Variants in FHIT observed in about 807,000 individuals in gnomAD.
FHIT encodes the protein fragile histidine triad diadenosine triphosphatase.
In FHIT, 19 loss-of-function variants were observed where a neutral mutation model predicts 17.9. That is an observed-to-expected ratio of 1.06 (90% CI 0.74 to 1.56). The LOEUF (loss-of-function observed/expected upper bound fraction) is 1.56. Among genes scored for constraint, FHIT ranks in the 40% most tolerant of loss-of-function variants. The pLI is 0.00. For missense variants in FHIT, 248 were observed against 189.2 expected (o/e 1.31, Z -1.82); for synonymous variants, 81 against 69.7 (o/e 1.16, Z -0.81).
chr3:59,807,861 G>C (rs1700263529), intron 8 of FHIT, among the ~76,000 whole-genome samples: 1 of 152,168 alleles, frequency 6.6e-6, no homozygotes, highest in African/African-American at 2.4e-5. Context: ...TGGTTTCATG[G>C]AGCAGGTAGA....
intron 5 of FHIT, among the ~76,000 whole-genome samples, chr3:60,357,797 A>C (rs1699738499): frequency 7.1e-6 from 1 of 140,532 alleles, no homozygotes; most frequent in East Asian, 2.1e-4. Flanking sequence ...GGTAATTTTC[A>C]CAACGCTTAA....
chr3:59,999,520 A>T (rs1226877699), intron 7 of FHIT, among the ~76,000 whole-genome samples: 1 of 152,090 alleles, frequency 6.6e-6, no homozygotes, highest in Non-Finnish European at 1.5e-5. Flanking sequence ...GCATATTAAG[A>T]AACAACAATA....
chr3:60,600,836 T>C (rs962351009), intron 4 of FHIT, among the ~76,000 whole-genome samples: 1 of 152,190 alleles, frequency 6.6e-6, no homozygotes, highest in African/African-American at 2.4e-5. Context: ...TAGATGTTCT[T>C]TTTATGAGAA....
At chr3:60,384,736 G>A (rs925234197) in intron 5 of FHIT, among the ~76,000 whole-genome samples, 1 of 150,598 alleles carries the variant, frequency 6.6e-6, no homozygotes, top group African/African-American at 2.4e-5. Context: ...CAAAAACCCA[G>A]CACTTTGAAT....
chr3:60,114,755 G>A (rs6446112), intron 5 of FHIT, among the ~76,000 whole-genome samples: 45,620 of 151,482 alleles, frequency 0.3, 7,235 homozygotes, highest in Non-Finnish European at 0.35. Context: ...CAGCCTCATG[G>A]GAAATCTTGC....
chr3:61,130,229 T>C lies in FHIT; in HGVS notation c.-164+70388A>G, dbSNP rs77852835. On this transcript the variant is annotated intron_variant, in intron 2 of 9. Coordinates refer to ENST00000492590, the MANE Select transcript of FHIT (RefSeq NM_002012.4). ...CCAAGAAAAAGAAACGTCTGCTACC[T>C]AAGAATGTCCAGGGAAAACTTCCTT... Among the ~76,000 whole-genome samples the C allele has an allele frequency of 3.5e-3, 539 of 152,338 alleles. 5 individuals carry two copies. The highest frequency in any genetic ancestry group is 0.013 in the African/African-American group (522 of 41,578).
intron 8 of FHIT, among the ~76,000 whole-genome samples, chr3:59,834,141 A>G (rs1463837009): frequency 6.6e-6 from 1 of 152,192 alleles, no homozygotes; most frequent in African/African-American, 2.4e-5. Context: ...GCACAATGCA[A>G]TGGTCATGCA....
intron 5 of FHIT, among the ~76,000 whole-genome samples, chr3:60,208,023 T>C (rs1336191733): frequency 6.6e-6 from 1 of 152,202 alleles, no homozygotes; most frequent in African/African-American, 2.4e-5. Context: ...GCAACCAACC[T>C]GATTCACTTA....
chr3:60,622,736 G>A (rs2039169208), intron 4 of FHIT, among the ~76,000 whole-genome samples: 2 of 152,296 alleles, frequency 1.3e-5, no homozygotes, highest in South Asian at 4.1e-4. Context: ...GGCATTTCTA[G>A]AGAAAGCATG....
At chr3:60,489,757 C>A (rs1011598136) in intron 5 of FHIT, among the ~76,000 whole-genome samples, 5 of 152,154 alleles carry the variant, frequency 3.3e-5, no homozygotes, top group Admixed American at 3.3e-4. Context: ...ATTAGGCTCA[C>A]CCTAATGTCT....
intron 5 of FHIT, among the ~76,000 whole-genome samples, chr3:60,222,388 T>G (rs945084006): frequency 1.6e-4 from 24 of 152,196 alleles, no homozygotes; most frequent in Non-Finnish European, 2.9e-5. Context: ...CTGCCACTTC[T>G]GTGTATTACA....
chr3:61,199,665 T>G (rs2038957782), intron 2 of FHIT, among the ~76,000 whole-genome samples: 1 of 152,140 alleles, frequency 6.6e-6, no homozygotes, highest in Non-Finnish European at 1.5e-5. Context: ...GTCAAGAAGT[T>G]AGGAAGAACT....
intron 7 of FHIT, among the ~76,000 whole-genome samples, chr3:59,980,120 C>T (rs1378518672): frequency 6.6e-6 from 1 of 152,168 alleles, no homozygotes; most frequent in Non-Finnish European, 1.5e-5. Flanking sequence ...TTCCCCCTCT[C>T]CCTCTTACAC....
At chr3:61,113,379 C>G (rs2036214238) in intron 2 of FHIT, among the ~76,000 whole-genome samples, 1 of 152,076 alleles carries the variant, frequency 6.6e-6, no homozygotes. Context: ...TAAACAAGAT[C>G]ATAGAGTTAT....
chr3:60,910,157 CTCA>C (rs1706659922), intron 3 of FHIT, among the ~76,000 whole-genome samples: 1 of 152,182 alleles, frequency 6.6e-6, no homozygotes, highest in South Asian at 2.1e-4. Flanking sequence ...AGGAATGTGA[CTCA>C]ATCTAACCAA....
chr3:60,260,302 TCA>T (rs905835375), intron 5 of FHIT, among the ~76,000 whole-genome samples: 7 of 150,998 alleles, frequency 4.6e-5, no homozygotes, highest in African/African-American at 1.7e-4. Context: ...TTTAAAAGCC[TCA>T]GTTACTGGAT....
At chr3:60,509,433 TAATA>T (rs1378467061) in intron 5 of FHIT, among the ~76,000 whole-genome samples, 9 of 152,194 alleles carry the variant, frequency 5.9e-5, no homozygotes, top group Admixed American at 3.9e-4. Context: ...ATCACACAGA[TAATA>T]AATAGATGAA....
At chr3:59,756,942 A>T (rs1412341463) in intron 8 of FHIT, among the ~76,000 whole-genome samples, 1 of 152,200 alleles carries the variant, frequency 6.6e-6, no homozygotes, top group Non-Finnish European at 1.5e-5. Context: ...AAAGTGTGTC[A>T]TAGTTTAATT....
chr3:60,119,736 T>C (rs376562275), intron 5 of FHIT, among the ~76,000 whole-genome samples: 1 of 152,200 alleles, frequency 6.6e-6, no homozygotes, highest in Admixed American at 6.5e-5. Flanking sequence ...ACTCAATTTC[T>C]ACCTCTTCAG....
Sources: gnomAD v4.1 joint callset for allele counts (sites outside exome capture counted in the v4.1 genomes callset) on GRCh38, gnomAD v4.1.1 for gene constraint, MANE v1.5 for transcripts, NCBI Gene and HGNC (gene_info 2026-07-23, HGNC 2026-07-21) for gene names.